SLC35F4: variants seen among roughly 807,000 people sequenced by gnomAD.
SLC35F4 encodes chromosome 14 open reading frame 36.
Under a neutral mutation model 44.2 loss-of-function variants are expected in SLC35F4, and 24 were observed. That is an observed-to-expected ratio of 0.54 (90% CI 0.39 to 0.76). The LOEUF (loss-of-function observed/expected upper bound fraction) is 0.76, where lower values mean the gene tolerates loss of function less well. Among genes scored for constraint, SLC35F4 ranks in the 30% least tolerant of loss-of-function variants. SLC35F4 has a pLI of 0.00. For synonymous variants in SLC35F4, 238 were observed against 223.6 expected (o/e 1.06, Z -0.57); for missense variants, 562 against 586.1 (o/e 0.96, Z 0.42).
intron 1 of SLC35F4, among the ~76,000 whole-genome samples, chr14:57,786,113 G>T (rs376928576): frequency 6.6e-6 from 1 of 152,070 alleles, no homozygotes; most frequent in African/African-American, 2.4e-5. Context: ...TTCAGTTTGC[G>T]TGGGAGCTGG....
At chr14:57,568,019 G>A (rs532559283) in intron 6 of SLC35F4, among the ~76,000 whole-genome samples, 2 of 152,382 alleles carry the variant, frequency 1.3e-5, no homozygotes, top group Admixed American at 1.3e-4. Flanking sequence ...ATGGAGAAGA[G>A]AGGGACGGCA....
At chr14:57,622,955 C>G (rs1389179393) in intron 1 of SLC35F4, among the ~76,000 whole-genome samples, 1 of 152,100 alleles carries the variant, frequency 6.6e-6, no homozygotes, top group Non-Finnish European at 1.5e-5. Context: ...CGACTTCACA[C>G]ATAACAATAT....
chr14:57,816,166 T>C (rs188985716), intron 1 of SLC35F4, among the ~76,000 whole-genome samples: 1 of 152,254 alleles, frequency 6.6e-6, no homozygotes, highest in Non-Finnish European at 1.5e-5. Context: ...GTGGCATATC[T>C]CTCTCTTAAT....
chr14:57,905,091 G>A (rs1889081502), intron 1 of SLC35F4, among the ~76,000 whole-genome samples: 1 of 152,200 alleles, frequency 6.6e-6, no homozygotes, highest in African/African-American at 2.4e-5. Flanking sequence ...TTTGGCTTGA[G>A]CCTCTCATGA....
intron 4 of SLC35F4, among the ~76,000 whole-genome samples, chr14:57,573,580 T>G (rs539147151): frequency 1.1e-4 from 16 of 152,224 alleles, no homozygotes; most frequent in African/African-American, 3.6e-4. Context: ...TATCTAGACC[T>G]GGATAAAGGT....
At chr14:57,701,597 C>G (rs1022501061) in intron 1 of SLC35F4, among the ~76,000 whole-genome samples, 1 of 152,138 alleles carries the variant, frequency 6.6e-6, no homozygotes, top group Non-Finnish European at 1.5e-5. Flanking sequence ...CATGATGTCA[C>G]TAAGCAATAG....
intron 1 of SLC35F4, among the ~76,000 whole-genome samples, chr14:57,852,102 C>A (rs1768286094): frequency 6.6e-6 from 1 of 152,074 alleles, no homozygotes; most frequent in African/African-American, 2.4e-5. Context: ...ATCTAATGGG[C>A]AGAAAAGCAT....
intron 4 of SLC35F4, among the ~76,000 whole-genome samples, chr14:57,576,901 G>A (rs2068825870): frequency 6.6e-6 from 1 of 152,168 alleles, no homozygotes; most frequent in Non-Finnish European, 1.5e-5. Flanking sequence ...CATGTTGAAG[G>A]GGTTACAGAT....
intron 2 of SLC35F4, among the ~76,000 whole-genome samples, chr14:57,593,560 C>T (rs568780154): frequency 1.3e-4 from 20 of 152,288 alleles, no homozygotes; most frequent in African/African-American, 3.6e-4. Context: ...TGTTATTTTA[C>T]TGGTGTTTTC....
At chr14:57,734,763 G>C (rs1236943043) in intron 1 of SLC35F4, among the ~76,000 whole-genome samples, 1 of 152,134 alleles carries the variant, frequency 6.6e-6, no homozygotes, top group African/African-American at 2.4e-5. Flanking sequence ...TCCTAAAGTA[G>C]ATAATATTCT....
intron 1 of SLC35F4, chr14:57,799,341 C>T (rs1012946725): frequency 1.3e-5 from 2 of 152,270 alleles, no homozygotes; most frequent in South Asian, 2.1e-4. Flanking sequence ...GCTTTGGGTC[C>T]GATACACAGA....
intron 1 of SLC35F4, among the ~76,000 whole-genome samples, chr14:57,738,069 T>C (rs1415671508): frequency 2.0e-5 from 3 of 152,196 alleles, no homozygotes; most frequent in African/African-American, 4.8e-5. Context: ...ATTAATTATG[T>C]CTGCAAATGA....
chr14:57,881,358 C>T (rs985856648), intron 1 of SLC35F4, among the ~76,000 whole-genome samples: 3 of 152,110 alleles, frequency 2.0e-5, no homozygotes, highest in African/African-American at 4.8e-5. Flanking sequence ...CTTCCCTCTA[C>T]CAGGATTTTG....
chr14:57,942,351 T>C (rs1889930870), intron 1 of SLC35F4, among the ~76,000 whole-genome samples: 1 of 152,238 alleles, frequency 6.6e-6, no homozygotes, highest in African/African-American at 2.4e-5. Context: ...ACCTAGGCCC[T>C]GATTCTAGGC....
At chr14:57,585,957 A>G (rs1225237524) in intron 3 of SLC35F4, among the ~76,000 whole-genome samples, 1 of 152,180 alleles carries the variant, frequency 6.6e-6, no homozygotes, top group Non-Finnish European at 1.5e-5. Context: ...ACTTTCTTCT[A>G]CAGAATTGGA....
rs1888837862 is a variant in SLC35F4 at position 57,894,754 on chromosome 14, T to A, written n.282+87159A>T. 2.0e-5 allele frequency among the ~76,000 whole-genome samples: 3 copies of A among 151,596 alleles called. 1 individual carries two copies. The South Asian group carries it at 6.2e-4, about 32-fold the overall frequency. ...ACTAGTAACAAATAAAACCAATCAATAGTTTCAGCTTTTGGCATGGTTGCA... is the reference window on the plus strand; with the variant it reads ...ACTAGTAACAAATAAAACCAATCAAAAGTTTCAGCTTTTGGCATGGTTGCA... On this transcript the variant is annotated intron_variant and non_coding_transcript_variant, in intron 1 of 1. Transcript: ENST00000556568.
At chr14:57,941,052 G>T (rs549257555) in intron 1 of SLC35F4, among the ~76,000 whole-genome samples, 1 of 152,224 alleles carries the variant, frequency 6.6e-6, no homozygotes, top group East Asian at 1.9e-4. Context: ...AATTAGTGTT[G>T]GCAAGAATGT....
chr14:57,581,692 T>C (rs1347156073), intron 3 of SLC35F4, among the ~76,000 whole-genome samples: 1 of 152,234 alleles, frequency 6.6e-6, no homozygotes, highest in Non-Finnish European at 1.5e-5. Flanking sequence ...TGAAAAGCCA[T>C]TCTGTCGTTT....
chr14:57,865,067 C>T (rs1366060579), intron 1 of SLC35F4, among the ~76,000 whole-genome samples: 1 of 150,820 alleles, frequency 6.6e-6, no homozygotes, highest in Non-Finnish European at 1.5e-5. Context: ...GACCCCCCCC[C>T]CCCACGCCCC....
Sources: allele counts gnomAD v4.1 joint callset (sites outside exome capture counted in the v4.1 genomes callset), GRCh38; gene constraint gnomAD v4.1.1; transcripts MANE v1.5; gene names NCBI Gene and HGNC (gene_info 2026-07-23, HGNC 2026-07-21).